SLC25A21: variants seen among roughly 807,000 people sequenced by gnomAD.
SLC25A21 encodes the protein solute carrier family 25 member 21, also known as mitochondrial 2-oxodicarboxylate carrier.
A neutral mutation model predicts 43.8 loss-of-function variants in SLC25A21; 47 were observed. The ratio of observed to expected loss-of-function variants is 1.07; its 90% CI spans 0.85 to 1.37. SLC25A21 has a LOEUF of 1.37. SLC25A21 is among the 40% of genes most tolerant of loss of function. The pLI is 0.00. For missense variants in SLC25A21, 352 were observed against 350.2 expected, an observed-to-expected ratio of 1.00 and a Z score of -0.04; for synonymous variants, 131 against 121.3, an observed-to-expected ratio of 1.08 and a Z score of -0.52.
intron 1 of SLC25A21, among the ~76,000 whole-genome samples, chr14:37,104,300 C>T (rs778220440): frequency 1.9e-4 from 29 of 152,182 alleles, no homozygotes; most frequent in Non-Finnish European, 3.4e-4. Flanking sequence ...AGGTGGAGAG[C>T]TAGCTCTCAT....
At chr14:36,725,523 ATAAAT>A in intron 6 of SLC25A21, 42 bp downstream of exon 6, 1 of 736,944 alleles carries the variant, frequency 1.4e-6, no homozygotes, top group Non-Finnish European at 1.9e-6. Context: ...AAATAAATAA[ATAAAT>A]TTTTACATGC....
intron 3 of SLC25A21, among the ~76,000 whole-genome samples, chr14:36,797,409 T>G (rs150053609): frequency 1.3e-3 from 192 of 152,304 alleles, no homozygotes; most frequent in African/African-American, 4.5e-3. Flanking sequence ...CAGAAGAGTT[T>G]AAAATAAGTT....
At chr14:36,886,443 C>T (rs181531334) in intron 1 of SLC25A21, among the ~76,000 whole-genome samples, 411 of 152,288 alleles carry the variant, frequency 2.7e-3, no homozygotes, top group African/African-American at 9.0e-3. Flanking sequence ...ATTTTTTAAA[C>T]GTAACTAACA....
intron 1 of SLC25A21, among the ~76,000 whole-genome samples, chr14:37,075,029 A>G (rs747974133): frequency 5.3e-5 from 8 of 152,160 alleles, no homozygotes; most frequent in Non-Finnish European, 1.0e-4. Flanking sequence ...TGTGAAGTTA[A>G]TATTTTGACC....
chr14:36,878,759 A>T (rs1424231625), intron 1 of SLC25A21, among the ~76,000 whole-genome samples: 1 of 152,230 alleles, frequency 6.6e-6, no homozygotes, highest in Non-Finnish European at 1.5e-5. Flanking sequence ...CTTCCATTTA[A>T]TAATCCATCC....
chr14:37,011,834 C>T (rs898406457), intron 1 of SLC25A21, among the ~76,000 whole-genome samples: 5 of 152,156 alleles, frequency 3.3e-5, no homozygotes, highest in African/African-American at 1.2e-4. Flanking sequence ...CTAGAGCATT[C>T]CGAGCACAGG....
intron 1 of SLC25A21, among the ~76,000 whole-genome samples, chr14:36,897,943 T>C (rs1346931462): frequency 6.6e-6 from 1 of 152,218 alleles, no homozygotes; most frequent in African/African-American, 2.4e-5. Flanking sequence ...GGTCTGACCC[T>C]ACTGGGGGAT....
intron 3 of SLC25A21, among the ~76,000 whole-genome samples, chr14:36,784,415 G>C (rs571800089): frequency 5.3e-5 from 8 of 152,130 alleles, no homozygotes; most frequent in African/African-American, 1.2e-4. Flanking sequence ...TAGCTCTTCT[G>C]TAGCACTGAT....
chr14:36,916,174 G>C (rs1891827220), intron 1 of SLC25A21, among the ~76,000 whole-genome samples: 1 of 152,144 alleles, frequency 6.6e-6, no homozygotes, highest in South Asian at 2.1e-4. Context: ...AAATTTCATG[G>C]AGAAAAGAAC....
intron 1 of SLC25A21, among the ~76,000 whole-genome samples, chr14:36,992,865 T>C (rs538316260): frequency 6.6e-6 from 1 of 152,312 alleles, no homozygotes; most frequent in Admixed American, 6.5e-5. Context: ...ATCCACTTAA[T>C]CCCATCTCTT....
At chr14:36,888,376 T>C (rs1216136875) in intron 1 of SLC25A21, among the ~76,000 whole-genome samples, 1 of 152,152 alleles carries the variant, frequency 6.6e-6, no homozygotes, top group Non-Finnish European at 1.5e-5. Context: ...AAAGTGATAT[T>C]CAAGAAAACC....
chr14:37,172,482 C>T lies in SLC25A21; in HGVS notation c.-132G>A, dbSNP rs943266645. ...CGTTGGCTCCCTGTGGAGCAGCAAT[C>T]CGGCGACTGCTGGAAAGCGAGGGTT... On this transcript the variant is annotated 5_prime_UTR_variant, in exon 1 of 10. Transcript: ENST00000331299. 8.7e-6 allele frequency: 8 copies of T among 920,720 alleles called. No individual in the cohort carries two copies. In the African/African-American group the frequency reaches 1.1e-4, roughly 13 times the overall value. The allele number at this position is 920,720 out of a possible 1,614,324, so 57.0% of individuals were successfully genotyped here.
Position 37,056,807 on chromosome 14 carries a change from A to T in SLC25A21, c.70+115474T>A, listed in dbSNP as rs539200730. ...TCCATATCCATCACACCTTTCCAAA[A>T]CATCAGGCTTTTCTTTCTCCCATAC... On this transcript the variant is annotated intron_variant, in intron 1 of 9. Coordinates refer to ENST00000331299, the MANE Select transcript of SLC25A21 (RefSeq NM_030631.4). 2.0e-4 allele frequency among the ~76,000 whole-genome samples: 30 copies of T among 152,264 alleles called. No homozygotes were observed. The South Asian group carries it at 5.8e-3, about 29-fold the overall frequency.
At chr14:36,786,335 G>A (rs1434461738) in intron 3 of SLC25A21, among the ~76,000 whole-genome samples, 1 of 152,114 alleles carries the variant, frequency 6.6e-6, no homozygotes, top group Admixed American at 6.5e-5. Context: ...TGATATGCTG[G>A]CATTTTTAAA....
At chr14:36,833,277 G>A (rs905757715) in intron 2 of SLC25A21, among the ~76,000 whole-genome samples, 7 of 152,218 alleles carry the variant, frequency 4.6e-5, no homozygotes, top group Non-Finnish European at 1.0e-4. Context: ...GTTAAATGGA[G>A]AAAACTAATT....
intron 3 of SLC25A21, among the ~76,000 whole-genome samples, chr14:36,781,790 T>C (rs920604293): frequency 5.3e-5 from 8 of 152,214 alleles, no homozygotes; most frequent in Admixed American, 5.2e-4. Context: ...CATTACAGTA[T>C]TGGAGTATTC....
chr14:36,885,257 A>G (rs542905972), intron 1 of SLC25A21, among the ~76,000 whole-genome samples: 3 of 152,304 alleles, frequency 2.0e-5, no homozygotes, highest in South Asian at 2.1e-4. Flanking sequence ...ACCTTTGTGG[A>G]AAATCAATTG....
chr14:36,998,807 A>G (rs1346250213), intron 1 of SLC25A21, among the ~76,000 whole-genome samples: 1 of 152,156 alleles, frequency 6.6e-6, no homozygotes, highest in South Asian at 2.1e-4. Context: ...AAAATGTCCC[A>G]CACCATATGT....
intron 1 of SLC25A21, among the ~76,000 whole-genome samples, chr14:37,131,979 G>T (rs947488141): frequency 1.3e-5 from 2 of 152,154 alleles, no homozygotes; most frequent in African/African-American, 4.8e-5. Context: ...AGCCCACGGG[G>T]AGTAATTTAT....
Sources: gnomAD v4.1 joint callset for allele counts (sites outside exome capture counted in the v4.1 genomes callset) on GRCh38, gnomAD v4.1.1 for gene constraint, MANE v1.5 for transcripts, NCBI Gene and HGNC (gene_info 2026-07-23, HGNC 2026-07-21) for gene names.